Variants in ARHGEF19 observed in about 807,000 individuals in gnomAD.
ARHGEF19 encodes the protein Rho guanine nucleotide exchange factor 19, also known as Rho guanine nucleotide exchange factor (GEF) 19.
ARHGEF19 carries 92 observed loss-of-function variants against 87.6 expected under a neutral mutation model. The ratio of observed to expected loss-of-function variants is 1.05; its 90% confidence interval spans 0.89 to 1.25. The LOEUF is 1.25. Ranked by LOEUF, ARHGEF19 falls within the 50% of genes most tolerant of loss-of-function variation. The pLI is 0.00. For synonymous variants in ARHGEF19, 438 were observed against 446.2 expected (o/e 0.98, Z 0.23); for missense variants, 1,054 against 1,051.8 (o/e 1.00, Z -0.03).
Position 16,207,902 on chromosome 1 carries a change from C to CCGCCACGGGG in ARHGEF19, c.694+41_694+42insCCCCGTGGCG. 1 of 1,574,830 alleles carries CCGCCACGGGG rather than the reference C, an allele frequency of 6.3e-7. No homozygotes were observed. The highest frequency in any genetic ancestry group is 8.6e-7 in the Non-Finnish European group (1 of 1,159,214). On this transcript the variant is annotated intron_variant, in intron 3 of 15. Transcript: ENST00000270747. This position sits in a 1 kb window ranked among gnomAD's most constrained non-coding sequence, Gnocchi z 4.0. ...GGCATCGCCCACCCCCACCCCCACC[C>CCGCCACGGGG]GGCATCTGGCTGCCCTCAGGGCCCA...
Position 16,207,340 on chromosome 1 carries a change from ATTC to A in ARHGEF19, c.875-133_875-131del. On this transcript the variant is annotated intron_variant, in intron 5 of 15. Transcript: ENST00000270747. This position sits in a 1 kb window ranked among gnomAD's most constrained non-coding sequence, Gnocchi z 4.0. ...TCGGATATCTGGACACAGTGAATTC[ATTC>A]ATTCATTCATTCATTCCATAAACAA... is the stretch of plus-strand genomic sequence containing the variant. The A allele has an allele frequency of 9.0e-7, 1 of 1,105,146 alleles. No homozygotes were observed. Among genetic ancestry groups the A allele is most frequent in the Non-Finnish European group, 1.2e-6 (1 of 869,332 alleles). 68.5% of individuals were successfully genotyped at this position (1,105,146 alleles called of 1,614,324 possible).
rs893311862 is a variant in ARHGEF19, at chr1:16,205,843, A to C, written c.1451+88T>G. The C allele has an allele frequency of 6.6e-7, 1 of 1,513,142 alleles. No individual in the cohort carries two copies. The highest frequency in any genetic ancestry group is 1.4e-5 in the African/African-American group (1 of 72,094). The allele number at this position is 1,513,142 out of a possible 1,614,324, so 93.7% of individuals were successfully genotyped here. A position where few individuals can be genotyped will look rare whatever the true frequency, so the allele number is the denominator to read the frequency against. ...TTTTCAGGGACCCCTCCCCTCCCAG[A>C]GTCACCTTACGTCACCCAGCCCTCA... is the stretch of plus-strand genomic sequence containing the variant. On this transcript the variant is annotated intron_variant, in intron 8 of 15. Transcript: ENST00000270747. This position sits in a 1 kb window ranked among gnomAD's most constrained non-coding sequence, Gnocchi z 5.8.
Position 16,205,773 on chromosome 1 carries a change from C to A in ARHGEF19, c.1452-106G>T. ...CAGGGGGCTTCTCAGCACATCCTTA[C>A]TGCCCTTTGGGGTTGCATCTCACCT... On this transcript the variant is annotated intron_variant, in intron 8 of 15. Coordinates refer to ENST00000270747, the MANE Select transcript of ARHGEF19 (RefSeq NM_153213.5). The surrounding 1 kb of genome is among the most constrained non-coding windows in gnomAD (Gnocchi z 5.8). 1 of 1,494,746 alleles carries A rather than the reference C, an allele frequency of 6.7e-7. No homozygotes were observed. Among genetic ancestry groups the A allele is most frequent in the Non-Finnish European group, 8.9e-7 (1 of 1,118,116 alleles). 92.6% of individuals were successfully genotyped at this position (1,494,746 alleles called of 1,614,324 possible).
Position 16,199,141 on chromosome 1 carries a change from C to A in ARHGEF19, c.2251+9G>T. The A allele has an allele frequency of 6.2e-7, 1 of 1,613,660 alleles. No individual in the cohort carries two copies. Among genetic ancestry groups the A allele is most frequent in the Non-Finnish European group, 8.5e-7 (1 of 1,179,640 alleles). On this transcript the variant is annotated intron_variant, in intron 15 of 15. Coordinates refer to ENST00000270747, the MANE Select transcript of ARHGEF19 (RefSeq NM_153213.5). ...CCATCAGGGACACTTTCCCAGGAGG[C>A]CCCCTCACCGTCACTGGTCCAGGTC...
chr1:16,208,342 G>C lies in ARHGEF19; in HGVS notation c.413-117C>G, dbSNP rs568311244. 29 of 1,316,546 alleles carry C rather than the reference G, an allele frequency of 2.2e-5. No individual in the cohort carries two copies. In the African/African-American group the frequency reaches 3.7e-4, roughly 17 times the overall value. The allele number at this position is 1,316,546 out of a possible 1,614,324, so 81.6% of individuals were successfully genotyped here. ...TTCAGGCACCATGCCCAAGGGAAGG[G>C]CCTGTGTTTCTGCTAGCATCTGGTC... On this transcript the variant is annotated intron_variant, in intron 2 of 15. Coordinates refer to ENST00000270747, the MANE Select transcript of ARHGEF19 (RefSeq NM_153213.5).
chr1:16,198,838 C>T lies in ARHGEF19; in HGVS notation c.2252-94G>A, dbSNP rs74394813. Reference sequence around the variant, plus strand: ...ACAGCCCTGATGCAAGCTTTGTCTGCACCCTTGGGGCCAAGGTGACATCAT... The same window carrying T: ...ACAGCCCTGATGCAAGCTTTGTCTGTACCCTTGGGGCCAAGGTGACATCAT... On this transcript the variant is annotated intron_variant, in intron 15 of 15. Coordinates refer to ENST00000270747, the MANE Select transcript of ARHGEF19 (RefSeq NM_153213.5). This position sits in a 1 kb window ranked among gnomAD's most constrained non-coding sequence, Gnocchi z 4.1. 155,208 of 1,463,434 alleles carry T rather than the reference C, an allele frequency of 0.11. 9,336 individuals are homozygous for T. Among genetic ancestry groups the T allele is most frequent in the Non-Finnish European group, 0.12 (135,282 of 1,091,908 alleles). The allele number at this position is 1,463,434 out of a possible 1,614,324, so 90.7% of individuals were successfully genotyped here. A position where few individuals can be genotyped will look rare whatever the true frequency, so the allele number is the denominator to read the frequency against.
chr1:16,198,290 G>A lies in ARHGEF19; in HGVS notation c.*297C>T. ...GAAGGACCAAGAGTCAGGCAGGATT[G>A]AGGACATAGAAAGGAGAGGGCCCCA... On this transcript the variant is annotated 3_prime_UTR_variant, in exon 16 of 16. Transcript: ENST00000270747. The surrounding 1 kb of genome is among the most constrained non-coding windows in gnomAD (Gnocchi z 4.1). 2 of 269,070 alleles carry A rather than the reference G, an allele frequency of 7.4e-6. No homozygotes were observed. Among genetic ancestry groups the A allele is most frequent in the Non-Finnish European group, 1.4e-5 (2 of 144,260 alleles). The allele number at this position is 269,070 out of a possible 1,614,324, so 16.7% of individuals were successfully genotyped here.
chr1:16,205,054 G>T lies in ARHGEF19; in HGVS notation c.1746+33C>A. ...AAGGAAGAAACAAGAGCTGCCCCTT[G>T]GGGTCCCCATCCCGCTGGCTGCAGA... is the stretch of plus-strand genomic sequence containing the variant. On this transcript the variant is annotated intron_variant, in intron 11 of 15. Transcript: ENST00000270747. This position sits in a 1 kb window ranked among gnomAD's most constrained non-coding sequence, Gnocchi z 5.8. The T allele has an allele frequency of 6.3e-7, 1 of 1,576,952 alleles. No homozygotes were observed. The highest frequency in any genetic ancestry group is 1.2e-5 in the South Asian group (1 of 86,348).
At position 16,208,847 on chromosome 1, in the gene ARHGEF19, GGGTC is replaced by G; in HGVS notation, c.204_207del (p.Thr69LeufsTer91). ...CATAGCAACCCTTGGAGAGGGGCAG[GGGTC>G]CCCAGGGACCAGCGGCTGCCAGGAG... On this transcript the variant is annotated frameshift_variant, in exon 2 of 16. Coordinates refer to ENST00000270747, the MANE Select transcript of ARHGEF19 (RefSeq NM_153213.5). LOFTEE classifies it high-confidence loss of function. 3 of 1,609,846 alleles carry G rather than the reference GGGTC, an allele frequency of 1.9e-6. No individual in the cohort carries two copies. Among genetic ancestry groups the G allele is most frequent in the Non-Finnish European group, 2.5e-6 (3 of 1,178,764 alleles).
Position 16,205,475 on chromosome 1 carries a change from C to G in ARHGEF19, c.1582-50G>C, listed in dbSNP as rs370194551. 20 of 1,612,356 alleles carry G rather than the reference C, an allele frequency of 1.2e-5. No individual in the cohort carries two copies. Among genetic ancestry groups the G allele is most frequent in the Non-Finnish European group, 1.7e-5 (20 of 1,179,432 alleles). ...AGGCAGTCCTCATACTCCCGAGACC[C>G]GGCCCGCCCACAGGTGTATCTCCCT... On this transcript the variant is annotated intron_variant, in intron 9 of 15. Transcript: ENST00000270747. The surrounding 1 kb of genome is among the most constrained non-coding windows in gnomAD (Gnocchi z 5.8).
Position 16,206,254 on chromosome 1 carries a change from C to T in ARHGEF19, c.1224G>A (p.Leu408=), listed in dbSNP as rs2081133869. The T allele has an allele frequency of 6.3e-7, 1 of 1,592,716 alleles. No homozygotes were observed. The highest frequency in any genetic ancestry group is 1.3e-5 in the African/African-American group (1 of 74,846). ...TGTCCTGCGCCCCCAGACACTCGCTCAGCTCGGCAGAGCCTAAGAAGTGGC... is the reference window on the plus strand; with the variant it reads ...TGTCCTGCGCCCCCAGACACTCGCTTAGCTCGGCAGAGCCTAAGAAGTGGC... ...AVGHFLGSAE[L]SECLGAQDKQ... is the part of the protein sequence containing the mutation. The change falls in exon 7 of 16, where the codon CTG becomes CTA. Residue 408 remains leucine, a synonymous_variant. Transcript: ENST00000270747. This position sits in a 1 kb window ranked among gnomAD's most constrained non-coding sequence, Gnocchi z 4.6.
rs221059 is a variant in ARHGEF19 at position 16,208,235 on chromosome 1, G to A, written c.413-10C>T. The A allele has an allele frequency of 0.26, 425,041 of 1,609,100 alleles. 59,364 individuals are homozygous for A. The highest frequency in any genetic ancestry group is 0.43 in the Admixed American group (25,746 of 59,854). On this transcript the variant is annotated splice_polypyrimidine_tract_variant and intron_variant, in intron 2 of 15. Transcript: ENST00000270747. ...ACCCGCATCTTGCGCCCTAGGGTTG[G>A]GGGCAAGGAGTGAGAGCACGGGCTG...
chr1:16,202,233 C>T (rs976641818), intron 13 of ARHGEF19, among the ~76,000 whole-genome samples, 183 bp downstream of exon 13: 2 of 152,246 alleles, frequency 1.3e-5, no homozygotes, highest in African/African-American at 4.8e-5. Flanking sequence ...CCTACTCTGG[C>T]CTCCAGCCCT....
rs766417277 is a variant in ARHGEF19 at position 16,199,145 on chromosome 1, C to T, written c.2251+5G>A. On this transcript the variant is annotated splice_donor_5th_base_variant and intron_variant, in intron 15 of 15. Transcript: ENST00000270747. The stretch of plus-strand genomic sequence containing the variant: ...CAGGGACACTTTCCCAGGAGGCCCC[C>T]TCACCGTCACTGGTCCAGGTCCTCA... The T allele has an allele frequency of 1.4e-5, 22 of 1,614,014 alleles. No individual in the cohort carries two copies. Among genetic ancestry groups the T allele is most frequent in the Non-Finnish European group, 1.9e-5 (22 of 1,179,912 alleles).
intron 1 of ARHGEF19, among the ~76,000 whole-genome samples, chr1:16,210,182 C>T (rs1030194238): frequency 6.6e-6 from 1 of 152,208 alleles, no homozygotes; most frequent in Non-Finnish European, 1.5e-5. Flanking sequence ...TTGGCTGTTC[C>T]GGCAGGGGAA....
rs1480965321 is a variant in ARHGEF19, at chr1:16,205,620, GACTCCTC to G, written c.1492_1498del (p.Glu498LeufsTer31). On this transcript the variant is annotated frameshift_variant, in exon 9 of 16. Transcript: ENST00000270747. LOFTEE classifies it high-confidence loss of function. This position sits in a 1 kb window ranked among gnomAD's most constrained non-coding sequence, Gnocchi z 5.8. Reference sequence around the variant, plus strand: ...AAGGGGCAGACGCTGGCACACAGGAGACTCCTCCAGGCGAGCCAGGATGCCAGGGAAC... The same window carrying G: ...AAGGGGCAGACGCTGGCACACAGGAGCAGGCGAGCCAGGATGCCAGGGAAC... The G allele has an allele frequency of 1.2e-6, 2 of 1,613,616 alleles. No individual in the cohort carries two copies. The highest frequency in any genetic ancestry group is 1.7e-6 in the Non-Finnish European group (2 of 1,179,868).
At chr1:16,203,121 C>T (rs2081097861) in intron 12 of ARHGEF19, among the ~76,000 whole-genome samples, 1 of 152,140 alleles carries the variant, frequency 6.6e-6, no homozygotes, top group Admixed American at 6.5e-5. Flanking sequence ...CACTGTATCT[C>T]AGTGTCTGAT....
intron 12 of ARHGEF19, among the ~76,000 whole-genome samples, chr1:16,203,531 T>C (rs2081100611): frequency 6.6e-6 from 1 of 152,018 alleles, no homozygotes; most frequent in Non-Finnish European, 1.5e-5. Flanking sequence ...GAGCAAAATA[T>C]CATCCCTCTG....
chr1:16,209,809 G>A (rs896172127), intron 1 of ARHGEF19, among the ~76,000 whole-genome samples: 3 of 152,280 alleles, frequency 2.0e-5, no homozygotes, highest in South Asian at 2.1e-4. Flanking sequence ...CCAGAGTTGC[G>A]GCCTTCAGTG....
Sources: allele counts gnomAD v4.1 joint callset (sites outside exome capture counted in the v4.1 genomes callset), GRCh38; gene constraint gnomAD v4.1.1; non-coding constraint Gnocchi (gnomAD v3.1); transcripts MANE v1.5; gene names NCBI Gene and HGNC (gene_info 2026-07-23, HGNC 2026-07-21).